LIN7A: variants seen among roughly 807,000 people sequenced by gnomAD.
LIN7A encodes the protein lin-7 cell polarity scaffold A, also known as protein lin-7 homolog A.
A neutral mutation model predicts 29.8 loss-of-function variants in LIN7A; 25 were observed. That is an observed-to-expected ratio of 0.84 (90% CI 0.61 to 1.17). The LOEUF is 1.17. Ranked by LOEUF, LIN7A falls within the 50% of genes most tolerant of loss-of-function variation. The probability of loss-of-function intolerance (pLI) is 0.00; values close to 1 mark genes in which losing one functional copy is unlikely to be tolerated. For synonymous variants in LIN7A, 118 were observed against 107.5 expected (o/e 1.10, Z -0.60); for missense variants, 239 against 287.0 (o/e 0.83, Z 1.21).
At chr12:80,807,063 G>GTTTTTTTTTGTTTTT (rs374349839) in intron 5 of LIN7A, among the ~76,000 whole-genome samples, 2,464 of 52,946 alleles carry the variant, frequency 0.047, 176 homozygotes, top group African/African-American at 0.052. Context: ...TGAAGATGGA[G>GTTTTTTTTTGTTTTT]TTTTTTTTTT....
At chr12:80,896,138 T>C (rs1875881290) in intron 1 of LIN7A, among the ~76,000 whole-genome samples, 2 of 152,106 alleles carry the variant, frequency 1.3e-5, no homozygotes. Flanking sequence ...GTCTGGAAAA[T>C]GACCTTTGGA....
At chr12:80,891,915 A>G (rs756531348) in intron 1 of LIN7A, among the ~76,000 whole-genome samples, 20 of 152,124 alleles carry the variant, frequency 1.3e-4, no homozygotes, top group Non-Finnish European at 2.1e-4. Flanking sequence ...ACAGGGTGAG[A>G]GTAGCAAGAG....
chr12:80,872,549 C>T (rs1365583718), intron 2 of LIN7A, among the ~76,000 whole-genome samples: 3 of 152,164 alleles, frequency 2.0e-5, no homozygotes, highest in Admixed American at 2.0e-4. Context: ...TTCTGTTGAG[C>T]TATTATAGTG....
rs778796484 is a variant in LIN7A at position 80,848,167 on chromosome 12, C to T, written c.273+84G>A. ...TCTAAATTCTCTTACAGTGTACACACGAGAATACCTGAAACACACACGCGC... is the reference window on the plus strand; with the variant it reads ...TCTAAATTCTCTTACAGTGTACACATGAGAATACCTGAAACACACACGCGC... On this transcript the variant is annotated intron_variant, in intron 3 of 5. Coordinates refer to ENST00000552864, the MANE Select transcript of LIN7A (RefSeq NM_004664.4). The T allele has an allele frequency of 2.2e-5, 22 of 989,044 alleles. No homozygotes were observed. In the Admixed American group the frequency reaches 2.2e-4, roughly 10 times the overall value. 61.3% of individuals were successfully genotyped at this position (989,044 alleles called of 1,614,324 possible).
intron 5 of LIN7A, among the ~76,000 whole-genome samples, chr12:80,807,073 T>TTTTTTTTTTTTTTTTTTG (rs1871043473): frequency 9.5e-5 from 5 of 52,644 alleles, no homozygotes; most frequent in East Asian, 7.1e-4. Flanking sequence ...GTTTTTTTTT[T>TTTTTTTTTTTTTTTTTTG]TTTTTTTTTT....
intron 3 of LIN7A, chr12:80,847,995 A>G (rs1177419316): frequency 3.5e-6 from 2 of 570,852 alleles, no homozygotes; most frequent in Admixed American, 2.4e-5. Flanking sequence ...GAACCAGTAG[A>G]TTTGCTTGTG....
At position 80,792,997 on chromosome 12, in the gene LIN7A, C is replaced by G. The variant is rs1446061948; in HGVS notation, c.*4730G>C. 6.6e-6 allele frequency: 1 copy of G among 152,118 alleles called. No individual in the cohort carries two copies. The highest frequency in any genetic ancestry group is 1.5e-5 in the Non-Finnish European group (1 of 68,014). The allele number at this position is 152,118 out of a possible 1,614,324, so 9.4% of individuals were successfully genotyped here. On this transcript the variant is annotated 3_prime_UTR_variant, in exon 6 of 6. Transcript: ENST00000552864. ...CTTTGTTAATATCTTTTGTATATTA[C>G]TTTACAATTTCCAAGTATTTTATAT...
At chr12:80,802,241 GTTC>G (rs1006606392) in intron 5 of LIN7A, among the ~76,000 whole-genome samples, 28 of 152,136 alleles carry the variant, frequency 1.8e-4, no homozygotes, top group African/African-American at 6.5e-4. Flanking sequence ...TGTGGTATTT[GTTC>G]TTCTGTGCCT....
At chr12:80,911,268 A>ATTTT (rs768907424) in intron 1 of LIN7A, among the ~76,000 whole-genome samples, 7 of 105,882 alleles carry the variant, frequency 6.6e-5, no homozygotes, top group Non-Finnish European at 7.9e-5. Flanking sequence ...AAGTTTGTCT[A>ATTTT]TTTTTTTTTT....
intron 1 of LIN7A, among the ~76,000 whole-genome samples, chr12:80,897,153 C>T (rs142967944): frequency 1.3e-5 from 2 of 151,812 alleles, no homozygotes; most frequent in Admixed American, 6.6e-5. Flanking sequence ...TACTACTACC[C>T]GAGACATCAT....
intron 1 of LIN7A, among the ~76,000 whole-genome samples, chr12:80,916,094 TGTC>T (rs1298679541): frequency 6.6e-6 from 1 of 152,174 alleles, no homozygotes; most frequent in African/African-American, 2.4e-5. Context: ...TTTGATCACT[TGTC>T]ATTATCTTTT....
At chr12:80,861,941 A>G (rs544309800) in intron 2 of LIN7A, among the ~76,000 whole-genome samples, 32 of 152,326 alleles carry the variant, frequency 2.1e-4, no homozygotes, top group Non-Finnish European at 7.3e-5. Context: ...TATTGTGAAC[A>G]CTTTCCCCAC....
At position 80,816,987 on chromosome 12, in the gene LIN7A, C is replaced by T. The variant is rs1283240941; in HGVS notation, c.484-5304G>A. 2.0e-5 allele frequency among the ~76,000 whole-genome samples: 3 copies of T among 152,162 alleles called. No homozygotes were observed. In the East Asian group the frequency reaches 5.8e-4, roughly 29 times the overall value. ...TTTGCCACATTGGCCAGGCTGATCT[C>T]GAACTCCTGGGCTCAAGTGATGCGC... On this transcript the variant is annotated intron_variant, in intron 4 of 5. Transcript: ENST00000552864.
At chr12:80,899,770 C>CTTTTTTTTTT (rs71309554) in intron 1 of LIN7A, among the ~76,000 whole-genome samples, 8 of 125,516 alleles carry the variant, frequency 6.4e-5, no homozygotes, top group East Asian at 2.4e-4. Context: ...TTTTTCTTTT[C>CTTTTTTTTTT]TTTTTTTTTT....
chr12:80,831,799 A>C (rs1196652944), intron 4 of LIN7A, among the ~76,000 whole-genome samples: 1 of 152,190 alleles, frequency 6.6e-6, no homozygotes, highest in East Asian at 1.9e-4. Context: ...CTAAATTGCT[A>C]TAACATGGGC....
intron 1 of LIN7A, among the ~76,000 whole-genome samples, chr12:80,901,727 A>G (rs371710812): frequency 4.9e-5 from 7 of 143,618 alleles, no homozygotes; most frequent in African/African-American, 1.8e-4. Context: ...ATCCTATACT[A>G]GCAAATGGAT....
chr12:80,934,960 G>T (rs775279019), intron 1 of LIN7A, among the ~76,000 whole-genome samples: 72 of 152,024 alleles, frequency 4.7e-4, no homozygotes, highest in Non-Finnish European at 9.9e-4. Flanking sequence ...AAGTGTATAG[G>T]GGAAAGCTAG....
At chr12:80,848,412 G>A in intron 2 of LIN7A, 90 bp from the exon 3 acceptor site, 1 of 998,850 alleles carries the variant, frequency 1.0e-6, no homozygotes, top group South Asian at 1.5e-5. Context: ...TTTCACTGTA[G>A]GAAAAAAATT....
intron 4 of LIN7A, among the ~76,000 whole-genome samples, chr12:80,815,152 T>C (rs1426920294): frequency 6.6e-6 from 1 of 152,242 alleles, no homozygotes; most frequent in African/African-American, 2.4e-5. Context: ...TTGCCTACTT[T>C]GTAAATACTT....
Sources: allele counts gnomAD v4.1 joint callset (sites outside exome capture counted in the v4.1 genomes callset), GRCh38; gene constraint gnomAD v4.1.1; transcripts MANE v1.5; gene names NCBI Gene and HGNC (gene_info 2026-07-23, HGNC 2026-07-21).